CCSER1: variants seen among roughly 807,000 people sequenced by gnomAD.
CCSER1 encodes the protein serine-rich coiled-coil domain-containing protein 1.
A neutral mutation model predicts 82.0 loss-of-function variants in CCSER1; 41 were observed. The observed-to-expected ratio is 0.50, with a 90% CI of 0.39 to 0.65. The LOEUF (loss-of-function observed/expected upper bound fraction) is 0.65. Among genes scored for constraint, CCSER1 ranks in the 30% least tolerant of loss-of-function variants. The pLI is 0.00. For missense variants in CCSER1, 1,119 were observed against 1,064.2 expected, an observed-to-expected ratio of 1.05 and a Z score of -0.72; for synonymous variants, 414 against 383.9, an observed-to-expected ratio of 1.08 and a Z score of -0.92.
intron 7 of CCSER1, among the ~76,000 whole-genome samples, chr4:90,758,956 C>G (rs1749998243): frequency 6.6e-6 from 1 of 152,018 alleles, no homozygotes; most frequent in African/African-American, 2.4e-5. Context: ...GAATTTTTCC[C>G]ATTCTGTTAT....
intron 10 of CCSER1, among the ~76,000 whole-genome samples, chr4:91,101,081 C>G (rs1051955535): frequency 1.3e-5 from 2 of 152,174 alleles, no homozygotes; most frequent in Non-Finnish European, 2.9e-5. Flanking sequence ...GAGCCAGCTT[C>G]TGACAGACAC....
intron 5 of CCSER1, among the ~76,000 whole-genome samples, chr4:90,496,588 T>A: frequency 6.6e-6 from 1 of 152,216 alleles, no homozygotes; most frequent in East Asian, 1.9e-4. Context: ...GTATTGTTTA[T>A]TTTAGTTAAA....
intron 6 of CCSER1, chr4:90,682,872 T>A (rs1226291239): frequency 6.6e-6 from 1 of 152,138 alleles, no homozygotes; most frequent in African/African-American, 2.4e-5. Context: ...TTTAAAAGAA[T>A]TTTAATTAAT....
chr4:90,385,373 T>A (rs1291925062), intron 3 of CCSER1, among the ~76,000 whole-genome samples: 1 of 151,942 alleles, frequency 6.6e-6, no homozygotes, highest in Non-Finnish European at 1.5e-5. Flanking sequence ...CCTTTTTTTT[T>A]TTTAACCATA....
At chr4:91,597,894 A>T (rs1764657238) in intron 10 of CCSER1, among the ~76,000 whole-genome samples, 1 of 152,190 alleles carries the variant, frequency 6.6e-6, no homozygotes, top group African/African-American at 2.4e-5. Context: ...TCACAGCATG[A>T]TTCAATGAGC....
intron 3 of CCSER1, among the ~76,000 whole-genome samples, chr4:90,390,827 G>A (rs1750875563): frequency 6.6e-6 from 1 of 152,112 alleles, no homozygotes; most frequent in Non-Finnish European, 1.5e-5. Context: ...GAGTTGAGTG[G>A]TAATTTCGTT....
intron 10 of CCSER1, among the ~76,000 whole-genome samples, chr4:91,154,713 A>T (rs1001443459): frequency 6.6e-6 from 1 of 152,082 alleles, no homozygotes; most frequent in Non-Finnish European, 1.5e-5. Flanking sequence ...GTAAACCAGT[A>T]ACTATGCATA....
chr4:90,605,688 T>C (rs1490226427), intron 5 of CCSER1, among the ~76,000 whole-genome samples: 3 of 152,202 alleles, frequency 2.0e-5, no homozygotes, highest in African/African-American at 7.2e-5. Flanking sequence ...CTAGTGACAG[T>C]TGAATTAGAA....
At chr4:91,426,659 A>AT (rs1296993650) in intron 10 of CCSER1, among the ~76,000 whole-genome samples, 2 of 152,204 alleles carry the variant, frequency 1.3e-5, no homozygotes, top group Non-Finnish European at 2.9e-5. Context: ...AATGTGTGCA[A>AT]TTTTAAGAGT....
At chr4:91,247,392 C>G (rs1739884422) in intron 10 of CCSER1, among the ~76,000 whole-genome samples, 2 of 151,706 alleles carry the variant, frequency 1.3e-5, no homozygotes, top group South Asian at 4.2e-4. Flanking sequence ...CAGGGATGAT[C>G]CTGGAACAAT....
chr4:90,672,024 G>A (rs1198498958), intron 6 of CCSER1, among the ~76,000 whole-genome samples: 1 of 152,004 alleles, frequency 6.6e-6, no homozygotes, highest in Admixed American at 6.6e-5. Flanking sequence ...TATTCAGTGA[G>A]CCATGTCATT....
chr4:90,557,880 T>C (rs1192608792), intron 5 of CCSER1, among the ~76,000 whole-genome samples: 1 of 152,190 alleles, frequency 6.6e-6, no homozygotes, highest in African/African-American at 2.4e-5. Context: ...AAACAAGTTG[T>C]ATTTTGATTC....
intron 6 of CCSER1, among the ~76,000 whole-genome samples, chr4:90,648,363 G>T (rs1036544008): frequency 1.3e-5 from 2 of 148,904 alleles, no homozygotes. Flanking sequence ...CAAGAAAGAA[G>T]TATACAAGTT....
chr4:91,023,795 A>G (rs1029455985), intron 9 of CCSER1, among the ~76,000 whole-genome samples: 2 of 152,252 alleles, frequency 1.3e-5, no homozygotes, highest in African/African-American at 4.8e-5. Flanking sequence ...AACAAAAGCC[A>G]AAATTGACAA....
chr4:91,489,797 A>AATAAAAATAAATAAATC (rs1758417731), intron 10 of CCSER1, among the ~76,000 whole-genome samples: 2 of 11,948 alleles, frequency 1.7e-4, no homozygotes, highest in Non-Finnish European at 6.8e-4. Flanking sequence ...TAAAATAAAA[A>AATAAAAATAAATAAATC]AAAGATTGAG....
Position 90,309,502 on chromosome 4 carries a change from T to C in CCSER1, c.1218T>C (p.His406=), listed in dbSNP as rs1734919147. 2 of 1,613,664 alleles carry C rather than the reference T, an allele frequency of 1.2e-6. No homozygotes were observed. The highest frequency in any genetic ancestry group is 1.7e-6 in the Non-Finnish European group (2 of 1,179,762). The change falls in exon 2 of 11, where the codon CAT becomes CAC. Residue 406 remains histidine (H), a synonymous_variant. Coordinates refer to ENST00000509176, the MANE Select transcript of CCSER1 (RefSeq NM_001145065.2). ...AGCAACATAAAGCAATAGCGGAACA[T>C]GTAAAAGGGATCCATCCTATTTCAG... ...FYEQHKAIAE[H]VKGIHPISDS...
intron 9 of CCSER1, among the ~76,000 whole-genome samples, chr4:91,040,714 T>G (rs1413779509): frequency 1.3e-5 from 2 of 152,116 alleles, no homozygotes; most frequent in Non-Finnish European, 2.9e-5. Flanking sequence ...CCAAACATAT[T>G]CAGGAGAAAC....
intron 10 of CCSER1, among the ~76,000 whole-genome samples, chr4:91,132,089 G>A (rs1317021992): frequency 6.6e-6 from 1 of 151,922 alleles, no homozygotes; most frequent in Admixed American, 6.6e-5. Flanking sequence ...CAAATTGAAG[G>A]CCCAGTGCAC....
At chr4:90,147,518 A>T (rs60347355) in intron 1 of CCSER1, among the ~76,000 whole-genome samples, 42,946 of 151,988 alleles carry the variant, frequency 0.28, 7,673 homozygotes, top group East Asian at 0.65. Context: ...AGTACCTTAC[A>T]GGCTATTCTA....
Sources: allele counts gnomAD v4.1 joint callset (sites outside exome capture counted in the v4.1 genomes callset), GRCh38; gene constraint gnomAD v4.1.1; transcripts MANE v1.5; gene names NCBI Gene and HGNC (gene_info 2026-07-23, HGNC 2026-07-21).